The following C8orf34 variants were observed in gnomAD, a reference collection of about 807,000 sequenced individuals.
C8orf34 encodes the protein chromosome 8 open reading frame 34, also known as uncharacterized protein C8orf34.
Under a neutral mutation model 68.3 loss-of-function variants are expected in C8orf34, and 65 were observed. The ratio of observed to expected loss-of-function variants is 0.95; its 90% CI spans 0.78 to 1.17. C8orf34 has a LOEUF of 1.17. Ranked by LOEUF, C8orf34 falls within the 50% of genes most tolerant of loss-of-function variation. The probability of loss-of-function intolerance (pLI) is 0.00; values close to 1 mark genes in which losing one functional copy is unlikely to be tolerated. For missense variants in C8orf34, 664 were observed against 655.4 expected (o/e 1.01, Z -0.14); for synonymous variants, 244 against 241.2 (o/e 1.01, Z -0.11).
At chr8:68,545,070 T>C (rs922680037) in intron 7 of C8orf34, among the ~76,000 whole-genome samples, 4 of 152,136 alleles carry the variant, frequency 2.6e-5, no homozygotes, top group Admixed American at 2.6e-4. Flanking sequence ...CCTAGCCATA[T>C]TGATATGGTT....
At chr8:68,381,158 C>T (rs893552895) in intron 1 of C8orf34, among the ~76,000 whole-genome samples, 1 of 152,116 alleles carries the variant, frequency 6.6e-6, no homozygotes, top group Admixed American at 6.5e-5. Context: ...AGAAGCTTGA[C>T]TATTGTATTA....
At chr8:68,373,478 C>A in intron 1 of C8orf34, among the ~76,000 whole-genome samples, 1 of 152,108 alleles carries the variant, frequency 6.6e-6, no homozygotes, top group African/African-American at 2.4e-5. Flanking sequence ...ACCGGTTTGT[C>A]CCCCTTAACC....
At chr8:68,617,654 G>A (rs7830336) in intron 7 of C8orf34, among the ~76,000 whole-genome samples, 44,740 of 152,090 alleles carry the variant, frequency 0.29, 8,395 homozygotes, top group African/African-American at 0.55. Context: ...TGAGAGATCC[G>A]CTGTTAGTCT....
chr8:68,423,675 C>G (rs368588297), intron 1 of C8orf34, among the ~76,000 whole-genome samples: 38 of 152,240 alleles, frequency 2.5e-4, no homozygotes, highest in African/African-American at 8.9e-4. Context: ...TACAGCAGCA[C>G]CCCACTATCT....
intron 1 of C8orf34, among the ~76,000 whole-genome samples, chr8:68,385,608 T>C (rs1381678660): frequency 6.6e-6 from 1 of 152,192 alleles, no homozygotes; most frequent in Non-Finnish European, 1.5e-5. Context: ...TCTGATAAGA[T>C]AACCAGGCTC....
chr8:68,812,420 T>C (rs187292666), intron 12 of C8orf34, among the ~76,000 whole-genome samples: 25 of 152,272 alleles, frequency 1.6e-4, no homozygotes, highest in Admixed American at 2.6e-4. Context: ...TTTAGTATAA[T>C]TAAACATTCT....
chr8:68,487,903 A>T (rs1347353400), intron 4 of C8orf34, 120 bp from the exon 5 acceptor site: 27 of 631,918 alleles, frequency 4.3e-5, no homozygotes, highest in Non-Finnish European at 7.4e-5. Flanking sequence ...AGCACTAATA[A>T]AAAGAAAACA....
At chr8:68,502,813 G>C (rs1275988963) in intron 5 of C8orf34, among the ~76,000 whole-genome samples, 1 of 152,190 alleles carries the variant, frequency 6.6e-6, no homozygotes, top group Non-Finnish European at 1.5e-5. Flanking sequence ...CAACATCACT[G>C]AAGAATCAGT....
chr8:68,705,997 T>C (rs1260295430), intron 8 of C8orf34, among the ~76,000 whole-genome samples: 2 of 152,134 alleles, frequency 1.3e-5, no homozygotes, highest in African/African-American at 2.4e-5. Context: ...GAGGGCAAGA[T>C]GAGGTCTGTA....
intron 7 of C8orf34, among the ~76,000 whole-genome samples, chr8:68,612,914 TC>T (rs1818065037): frequency 6.6e-6 from 1 of 152,156 alleles, no homozygotes; most frequent in Non-Finnish European, 1.5e-5. Flanking sequence ...AGGTTAAAAT[TC>T]CCATGCTTAG....
intron 1 of C8orf34, among the ~76,000 whole-genome samples, chr8:68,349,730 C>T (rs746201790): frequency 6.6e-5 from 10 of 151,770 alleles, no homozygotes; most frequent in Non-Finnish European, 1.2e-4. Flanking sequence ...AGAAATTTAT[C>T]TATCTCTTTT....
chr8:68,521,773 A>G, intron 5 of C8orf34, 26 bp from the exon 6 acceptor site: 2 of 1,596,030 alleles, frequency 1.3e-6, no homozygotes, highest in Admixed American at 1.7e-5. Context: ...GCCATCTAAG[A>G]CAGCATATTC....
In C8orf34 at chr8:68,534,394, G is replaced by A. The variant is rs963392915; in HGVS notation, c.1105+1245G>A. 153 of 918,312 alleles carry A rather than the reference G, an allele frequency of 1.7e-4. No homozygotes were observed. The Middle Eastern group carries it at 1.7e-3, about 10-fold the overall frequency. 56.9% of individuals were successfully genotyped at this position (918,312 alleles called of 1,614,324 possible). A position where few individuals can be genotyped will look rare whatever the true frequency, so the allele number is the denominator to read the frequency against. On this transcript the variant is annotated intron_variant, in intron 7 of 13. Transcript: ENST00000518698. ...GCACTTACTCTATGCTAAGCACTTG[G>A]CTGGGGTCTGGGAACATAAAAATAA...
At chr8:68,669,614 G>A (rs1408264489) in intron 8 of C8orf34, among the ~76,000 whole-genome samples, 1 of 152,206 alleles carries the variant, frequency 6.6e-6, no homozygotes, top group Admixed American at 6.5e-5. Context: ...TTGCAAGTAA[G>A]CCATTGTAAT....
intron 1 of C8orf34, among the ~76,000 whole-genome samples, chr8:68,334,767 C>T (rs1007295678): frequency 6.6e-6 from 1 of 152,186 alleles, no homozygotes; most frequent in Non-Finnish European, 1.5e-5. Flanking sequence ...TTCTCTGTTC[C>T]ACTCAAAGTG....
chr8:68,508,973 G>A (rs1446630621), intron 5 of C8orf34, among the ~76,000 whole-genome samples: 1 of 152,102 alleles, frequency 6.6e-6, no homozygotes, highest in Non-Finnish European at 1.5e-5. Flanking sequence ...AAGAGGAGGG[G>A]CCAGGTTCCT....
At chr8:68,579,094 C>G (rs1816988586) in intron 7 of C8orf34, among the ~76,000 whole-genome samples, 1 of 152,040 alleles carries the variant, frequency 6.6e-6, no homozygotes, top group Admixed American at 6.6e-5. Context: ...CTCTGTCCCT[C>G]TGAGTTCTTG....
At chr8:68,658,475 G>C (rs560367258) in intron 8 of C8orf34, among the ~76,000 whole-genome samples, 17 of 152,090 alleles carry the variant, frequency 1.1e-4, no homozygotes, top group Non-Finnish European at 1.8e-4. Context: ...TTGATATTCA[G>C]CTCTTAAATT....
intron 7 of C8orf34, among the ~76,000 whole-genome samples, chr8:68,585,236 G>A (rs1817174570): frequency 6.6e-6 from 1 of 151,986 alleles, no homozygotes; most frequent in South Asian, 2.1e-4. Flanking sequence ...CAGAGAGAAA[G>A]AAAACCACAA....
Sources: allele counts gnomAD v4.1 joint callset (sites outside exome capture counted in the v4.1 genomes callset), GRCh38; gene constraint gnomAD v4.1.1; transcripts MANE v1.5; gene names NCBI Gene and HGNC (gene_info 2026-07-23, HGNC 2026-07-21).